The following RNF213 variants were observed in gnomAD, a reference collection of about 807,000 sequenced individuals.
RNF213 encodes E3 ubiquitin-protein ligase RNF213.
In RNF213, 341 loss-of-function variants were observed where a neutral mutation model predicts 514.4. The observed-to-expected ratio is 0.66, with a 90% CI of 0.61 to 0.73. The LOEUF is 0.73. Among genes scored for constraint, RNF213 ranks in the 30% least tolerant of loss-of-function variants. The probability of loss-of-function intolerance (pLI) is 0.00; values close to 1 mark genes in which losing one functional copy is unlikely to be tolerated. For synonymous variants in RNF213, 2,655 were observed against 2,658.2 expected (o/e 1.00, Z 0.04); for missense variants, 5,767 against 6,615.6 (o/e 0.87, Z 4.45).
chr17:80,261,483 C>T (rs1402920727), intron 1 of RNF213, among the ~76,000 whole-genome samples: 1 of 152,182 alleles, frequency 6.6e-6, no homozygotes, highest in Admixed American at 6.5e-5. Context: ...GCCGGCGGGC[C>T]GGGCCCTGGG....
chr17:80,393,695 T>C lies in RNF213; in HGVS notation c.*197T>C, dbSNP rs2080574565. On this transcript the variant is annotated 3_prime_UTR_variant, in exon 68 of 68. Transcript: ENST00000582970. ...CCGAGCTGTTTCTGAACCATGTACATACATGTTCTGAAACTTTCTCATCAT... is the reference window on the plus strand; with the variant it reads ...CCGAGCTGTTTCTGAACCATGTACACACATGTTCTGAAACTTTCTCATCAT... 1 of 574,604 alleles carries C rather than the reference T, an allele frequency of 1.7e-6. No homozygotes were observed. The highest frequency in any genetic ancestry group is 3.1e-6 in the Non-Finnish European group (1 of 321,438). The allele number at this position is 574,604 out of a possible 1,614,324, so 35.6% of individuals were successfully genotyped here. A position where few individuals can be genotyped will look rare whatever the true frequency, so the allele number is the denominator to read the frequency against.
In RNF213 at chr17:80,383,749, G is replaced by C; in HGVS notation, c.14143G>C (p.Ala4715Pro). 1 of 1,613,992 alleles carries C rather than the reference G, an allele frequency of 6.2e-7. No individual in the cohort carries two copies. Among genetic ancestry groups the C allele is most frequent in the Non-Finnish European group, 8.5e-7 (1 of 1,179,996 alleles). The change falls in exon 59 of 68, where the codon GCC becomes CCC. Residue 4715 changes from alanine to proline, a missense_variant. By Grantham distance (27) the Ala-to-Pro change is conservative. Transcript: ENST00000582970. ...TAAGCGTATCAGCTCTAACCCTGTGGCCAAAATAATATATGGTGACCCAGT... is the reference window on the plus strand; with the variant it reads ...TAAGCGTATCAGCTCTAACCCTGTGCCCAAAATAATATATGGTGACCCAGT... The part of the protein sequence containing the change: ...QDKRISSNPV[A>P]KIIYGDPVTF...
intron 28 of RNF213, among the ~76,000 whole-genome samples, 194 bp downstream of exon 28, chr17:80,344,209 C>T (rs144121398): frequency 1.3e-4 from 20 of 152,346 alleles, no homozygotes; most frequent in Non-Finnish European, 2.6e-4. Flanking sequence ...AAGTACTCTT[C>T]TGTTAATTAG....
Position 80,383,904 on chromosome 17 carries a change from C to T in RNF213, c.14298C>T (p.Pro4766=), listed in dbSNP as rs755333905. The T allele has an allele frequency of 6.2e-7, 1 of 1,614,154 alleles. No homozygotes were observed. The highest frequency in any genetic ancestry group is 2.2e-5 in the East Asian group (1 of 44,878). ...VEQKNGKERV[P]ILWHFLQKEA... ...AGAAAAATGGCAAAGAAAGAGTGCCCATCCTCTGGCATTTCCTGCAGAAGG... is the reference window on the plus strand; with the variant it reads ...AGAAAAATGGCAAAGAAAGAGTGCCTATCCTCTGGCATTTCCTGCAGAAGG... The change falls in exon 59 of 68, where the codon CCC becomes CCT. Residue 4766 remains proline, a synonymous_variant. Transcript: ENST00000582970.
intron 17 of RNF213, 37 bp downstream of exon 17, chr17:80,319,349 T>C: frequency 6.2e-7 from 1 of 1,614,200 alleles, no homozygotes; most frequent in Non-Finnish European, 8.5e-7. Flanking sequence ...GGATTCGGGC[T>C]CACAGCTGTG....
Position 80,347,943 on chromosome 17 carries a change from C to T in RNF213, c.9608C>T (p.Ala3203Val). 6.2e-7 allele frequency: 1 copy of T among 1,614,034 alleles called. No individual in the cohort carries two copies. The highest frequency in any genetic ancestry group is 8.5e-7 in the Non-Finnish European group (1 of 1,179,882). The stretch of plus-strand genomic sequence containing the variant: ...GTGGAGAAGTTCATCAATGTCAAAG[C>T]ACATCATTTCCAGAAGAGGCACAAA... ...AWVEKFINVK[A>V]HHFQKRHKYS... Residue 3203 changes from alanine (A) to valine (V), a missense_variant, in exon 29 of 68, where the codon GCA (alanine) becomes GTA (valine). By Grantham distance (64) the Ala-to-Val change is moderately conservative. Coordinates refer to ENST00000582970, the MANE Select transcript of RNF213 (RefSeq NM_001256071.3). The surrounding 1 kb of genome is among the most constrained non-coding windows in gnomAD (Gnocchi z 7.2).
chr17:80,353,487 G>A lies in RNF213; in HGVS notation c.10424-25G>A, dbSNP rs1287361523. The A allele has an allele frequency of 1.3e-6, 2 of 1,592,308 alleles. No homozygotes were observed. The highest frequency in any genetic ancestry group is 4.5e-5 in the East Asian group (2 of 43,974). ...CCTGTGCCACCTTCTGAGTGGTAACGCAATCACGTTTGCTTCGACTGCAGT... is the reference window on the plus strand; with the variant it reads ...CCTGTGCCACCTTCTGAGTGGTAACACAATCACGTTTGCTTCGACTGCAGT... On this transcript the variant is annotated intron_variant, in intron 33 of 67. Transcript: ENST00000582970. This position sits in a 1 kb window ranked among gnomAD's most constrained non-coding sequence, Gnocchi z 5.0.
At position 80,398,199 on chromosome 17, in the gene RNF213, T is replaced by C. The variant is rs552020127; in HGVS notation, c.*4701T>C. On this transcript the variant is annotated 3_prime_UTR_variant, in exon 68 of 68. Transcript: ENST00000582970. ...TTTTGGTTTTGACCTGACTTGGATA[T>C]CCTGATACTCTGATTTTGGTTTTGA... The C allele has an allele frequency of 1.3e-5, 2 of 152,188 alleles. No individual in the cohort carries two copies. Among genetic ancestry groups the C allele is most frequent in the South Asian group, 2.1e-4 (1 of 4,812 alleles). The allele number at this position is 152,188 out of a possible 1,614,324, so 9.4% of individuals were successfully genotyped here.
rs1429907901 is a variant in RNF213, at chr17:80,369,827, G to A, written c.12385G>A (p.Val4129Ile). The A allele has an allele frequency of 5.6e-6, 9 of 1,613,524 alleles. No homozygotes were observed. The highest frequency in any genetic ancestry group is 7.6e-6 in the Non-Finnish European group (9 of 1,179,646). The stretch of plus-strand genomic sequence containing the variant: ...CAATGATGTTGTGGATAAGACTCCT[G>A]TCATCCGCTCAGTGATACTGAAACT... ...PFNDVVDKTPVIRSVILKLLL... is the reference protein window; with the variant it reads ...PFNDVVDKTPIIRSVILKLLL... Residue 4129 changes from valine (V) to isoleucine (I), a missense_variant, in exon 46 of 68, where the codon GTC becomes ATC. By Grantham distance (29) the Val-to-Ile change is conservative. This residue lies in a region of RNF213 where 12 missense variants were observed against 34.6 expected (regional missense o/e 0.35). Coordinates refer to ENST00000582970, the MANE Select transcript of RNF213 (RefSeq NM_001256071.3).
At chr17:80,358,541 A>G (rs2078919465) in intron 37 of RNF213, 62 bp downstream of exon 37, 1 of 1,460,578 alleles carries the variant, frequency 6.8e-7, no homozygotes, top group African/African-American at 1.4e-5. Flanking sequence ...GGACCCTAAT[A>G]TGCTCTCCCA....
chr17:80,289,912 CAG>C (rs1003184496), intron 6 of RNF213, 75 bp downstream of exon 6: 13 of 1,455,228 alleles, frequency 8.9e-6, no homozygotes, highest in African/African-American at 7.0e-5. Context: ...GCACAACTCT[CAG>C]GGGATATCCA....
chr17:80,265,044 G>GTT (rs55814957), intron 2 of RNF213, among the ~76,000 whole-genome samples: 1,345 of 110,814 alleles, frequency 0.012, 20 homozygotes, highest in African/African-American at 0.06. Context: ...ATGTTTGTTT[G>GTT]TTTTTTTTTT....
At position 80,332,354 on chromosome 17, in the gene RNF213, T is replaced by G; in HGVS notation, c.3866T>G (p.Leu1289Trp). The change falls in exon 21 of 68, where the codon TTG (leucine) becomes TGG (tryptophan). Residue 1289 changes from leucine (L) to tryptophan (W), a missense_variant. By Grantham distance (61) the Leu-to-Trp change is moderately conservative (BLOSUM62 -2). Coordinates refer to ENST00000582970, the MANE Select transcript of RNF213 (RefSeq NM_001256071.3). ...CCTTCTTACAGAAAGTTCATTAAGTTGCACCAGGATCTAAAGTCAGGAGAG... is the reference window on the plus strand; with the variant it reads ...CCTTCTTACAGAAAGTTCATTAAGTGGCACCAGGATCTAAAGTCAGGAGAG... The part of the protein sequence containing the change: ...YQPSYRKFIK[L>W]HQDLKSGEVT... 1 of 1,537,196 alleles carries G rather than the reference T, an allele frequency of 6.5e-7. No homozygotes were observed. Among genetic ancestry groups the G allele is most frequent in the Non-Finnish European group, 8.7e-7 (1 of 1,146,922 alleles).
intron 67 of RNF213, among the ~76,000 whole-genome samples, chr17:80,390,865 C>T (rs79226410): frequency 6.6e-6 from 1 of 152,046 alleles, no homozygotes; most frequent in Non-Finnish European, 1.5e-5. Context: ...GAGTTCAAGA[C>T]CAGCCTGGCC....
intron 42 of RNF213, among the ~76,000 whole-genome samples, chr17:80,366,906 A>T (rs1179088409): frequency 6.6e-6 from 1 of 152,250 alleles, no homozygotes; most frequent in Non-Finnish European, 1.5e-5. Context: ...TACAGCCATT[A>T]AACTATCTTG....
chr17:80,332,634 A>G lies in RNF213; in HGVS notation c.4143+3A>G. On this transcript the variant is annotated splice_donor_region_variant and intron_variant, in intron 21 of 67. Coordinates refer to ENST00000582970, the MANE Select transcript of RNF213 (RefSeq NM_001256071.3). ...TTCTCAACACTTTACTAAATTTTGT[A>G]AGTTATTTGCTGGGGACTGTGGGGG... 1 of 1,480,710 alleles carries G rather than the reference A, an allele frequency of 6.8e-7. No homozygotes were observed. The highest frequency in any genetic ancestry group is 2.5e-5 in the East Asian group (1 of 40,452). The allele number at this position is 1,480,710 out of a possible 1,614,324, so 91.7% of individuals were successfully genotyped here. A position where few individuals can be genotyped will look rare whatever the true frequency, so the allele number is the denominator to read the frequency against.
At position 80,369,615 on chromosome 17, in the gene RNF213, A is replaced by G. The variant is rs1216200039; in HGVS notation, c.12269A>G (p.Glu4090Gly). 1 of 1,614,270 alleles carries G rather than the reference A, an allele frequency of 6.2e-7. No homozygotes were observed. The highest frequency in any genetic ancestry group is 1.7e-5 in the Admixed American group (1 of 60,032). Residue 4090 changes from glutamate to glycine, a missense_variant, in exon 45 of 68, where the codon GAG becomes GGG. Glu to Gly is a moderately conservative substitution (Grantham distance 98). Transcript: ENST00000582970. ...DNAPPEKEVI[E>G]SLLSLLFVQK... ...GCTCCGCCTGAGAAGGAAGTGATTG[A>G]GAGCCTGCTCTCTCTCCTCTTCGTC...
chr17:80,336,024 C>T, intron 22 of RNF213, 137 bp from the exon 23 acceptor site: 2 of 633,468 alleles, frequency 3.2e-6, no homozygotes, highest in South Asian at 4.1e-5. Context: ...CGGACTCTTA[C>T]TGAAAGCAGA....
intron 29 of RNF213, 64 bp from the exon 30 acceptor site, chr17:80,349,706 T>A: frequency 6.4e-7 from 1 of 1,568,542 alleles, no homozygotes; most frequent in Non-Finnish European, 8.8e-7. Context: ...TGTCTAAACC[T>A]GGCAGCAGAC....
Sources: allele counts gnomAD v4.1 joint callset (sites outside exome capture counted in the v4.1 genomes callset), GRCh38; gene constraint gnomAD v4.1.1; regional missense constraint gnomAD v4.1.1; non-coding constraint Gnocchi (gnomAD v3.1); transcripts MANE v1.5; gene names NCBI Gene and HGNC (gene_info 2026-07-23, HGNC 2026-07-21).